The following NUDT21 variants were observed in gnomAD, a reference collection of about 807,000 sequenced individuals.
The protein encoded by NUDT21 is cleavage and polyadenylation specificity factor subunit 5.
A neutral mutation model predicts 29.8 loss-of-function variants in NUDT21; 5 were observed. The observed-to-expected ratio is 0.17, with a 90% CI of 0.09 to 0.35. The LOEUF (loss-of-function observed/expected upper bound fraction) is 0.35, where lower values mean the gene tolerates loss of function less well. NUDT21 is among the 10% of genes least tolerant of loss of function. NUDT21 has a pLI of 1.00. For synonymous variants in NUDT21, 113 were observed against 98.5 expected, an observed-to-expected ratio of 1.15 and a Z score of -0.87; for missense variants, 76 against 276.0, an observed-to-expected ratio of 0.28 and a Z score of 5.13.
In NUDT21 at chr16:56,434,970, A is replaced by C. The variant is rs1962079585; in HGVS notation, c.472-141T>G. 3 of 543,978 alleles carry C rather than the reference A, an allele frequency of 5.5e-6. No homozygotes were observed. In the Admixed American group the frequency reaches 9.8e-5, roughly 18 times the overall value. The allele number at this position is 543,978 out of a possible 1,614,324, so 33.7% of individuals were successfully genotyped here. A position where few individuals can be genotyped will look rare whatever the true frequency, so the allele number is the denominator to read the frequency against. On this transcript the variant is annotated intron_variant, in intron 4 of 6. Transcript: ENST00000300291. Reference sequence around the variant, plus strand: ...TTACCAGGACTTATCTAACAGATACACTAGTAAATAAATGCTTTAATGCAT... The same window carrying C: ...TTACCAGGACTTATCTAACAGATACCCTAGTAAATAAATGCTTTAATGCAT...
intron 2 of NUDT21, chr16:56,447,533 C>G (rs1331057471): frequency 4.4e-6 from 2 of 454,594 alleles, no homozygotes; most frequent in Non-Finnish European, 8.0e-6. Context: ...TGATCTTGGA[C>G]TCAACTATTC....
chr16:56,449,806 G>T (rs1962262585), intron 1 of NUDT21, among the ~76,000 whole-genome samples: 1 of 152,002 alleles, frequency 6.6e-6, no homozygotes. Context: ...TTTTTGTAGA[G>T]ACAGCCTATG....
intron 2 of NUDT21, among the ~76,000 whole-genome samples, chr16:56,447,246 G>A (rs1448730654): frequency 1.3e-5 from 2 of 152,182 alleles, no homozygotes; most frequent in Non-Finnish European, 2.9e-5. Flanking sequence ...TGATAATGGA[G>A]TCTAGAAATG....
intron 1 of NUDT21, 85 bp from the exon 2 acceptor site, chr16:56,448,074 CA>C: frequency 2.6e-6 from 3 of 1,170,790 alleles, no homozygotes; most frequent in Non-Finnish European, 3.7e-6. Context: ...AACCATGGTA[CA>C]AAAAAAGTGC....
At chr16:56,446,467 C>T (rs1297978640) in intron 3 of NUDT21, 159 bp downstream of exon 3, 1 of 522,124 alleles carries the variant, frequency 1.9e-6, no homozygotes, top group Non-Finnish European at 3.4e-6. Flanking sequence ...AGTGTAACTT[C>T]AACTTGTAAA....
At chr16:56,433,992 G>A (rs1206697637) in intron 6 of NUDT21, among the ~76,000 whole-genome samples, 1 of 152,142 alleles carries the variant, frequency 6.6e-6, no homozygotes, top group Non-Finnish European at 1.5e-5. Flanking sequence ...CAGCCAATTT[G>A]CCACATTTTA....
intron 2 of NUDT21, chr16:56,446,898 T>C: frequency 2.4e-6 from 1 of 420,018 alleles, no homozygotes; most frequent in South Asian, 5.5e-5. Flanking sequence ...GTTTTTTTCC[T>C]CTTCGTATAT....
intron 3 of NUDT21, among the ~76,000 whole-genome samples, chr16:56,444,774 A>G (rs1962200225): frequency 6.6e-6 from 1 of 152,190 alleles, no homozygotes; most frequent in Non-Finnish European, 1.5e-5. Flanking sequence ...ACAGAGAATC[A>G]TCAGCCAGTC....
chr16:56,436,697 T>A (rs1036691289), intron 4 of NUDT21, among the ~76,000 whole-genome samples: 9 of 152,322 alleles, frequency 5.9e-5, no homozygotes, highest in Non-Finnish European at 1.3e-4. Flanking sequence ...AGGCTACATG[T>A]TCCTATTTTT....
chr16:56,429,293 T>C lies in NUDT21; in HGVS notation c.*3419A>G, dbSNP rs1229420583. On this transcript the variant is annotated 3_prime_UTR_variant, in exon 7 of 7. Transcript: ENST00000300291. ...ACCAGAAAAGTTCTCAAAACCAAAC[T>C]ATAAATGATGCTTGAATACTATGAT... 1 of 152,260 alleles carries C rather than the reference T, an allele frequency of 6.6e-6. No individual in the cohort carries two copies. The highest frequency in any genetic ancestry group is 2.4e-5 in the African/African-American group (1 of 41,474). 9.4% of individuals were successfully genotyped at this position (152,260 alleles called of 1,614,324 possible). A position where few individuals can be genotyped will look rare whatever the true frequency, so the allele number is the denominator to read the frequency against.
intron 4 of NUDT21, chr16:56,435,157 CT>C: frequency 5.9e-6 from 1 of 170,748 alleles, no homozygotes; most frequent in Non-Finnish European, 1.2e-5. Context: ...GAGTTTTGCT[CT>C]TGTTGCCTAG....
Position 56,442,737 on chromosome 16 carries a change from T to G in NUDT21, c.382-2991A>C, listed in dbSNP as rs184909106. ...ATGCTTTGCTAATTCTTCCTTTTAC[T>G]CTGTTCTATTTATCTATAGTTTATA... On this transcript the variant is annotated intron_variant, in intron 3 of 6. Coordinates refer to ENST00000300291, the MANE Select transcript of NUDT21 (RefSeq NM_007006.3). Among the ~76,000 whole-genome samples, 6 of 152,348 alleles carry G rather than the reference T, an allele frequency of 3.9e-5. 1 individual carries two copies. The highest frequency in any genetic ancestry group is 3.3e-4 in the Admixed American group (5 of 15,304).
chr16:56,440,618 A>G (rs983079902), intron 3 of NUDT21, among the ~76,000 whole-genome samples: 1 of 152,232 alleles, frequency 6.6e-6, no homozygotes, highest in Non-Finnish European at 1.5e-5. Context: ...AGAAAACTAC[A>G]GAGGTAAAAG....
intron 2 of NUDT21, chr16:56,446,962 T>C (rs1596957795): frequency 9.9e-6 from 3 of 303,554 alleles, no homozygotes; most frequent in South Asian, 6.4e-5. Flanking sequence ...GTTTGTTACA[T>C]AGGTATATTG....
intron 3 of NUDT21, among the ~76,000 whole-genome samples, chr16:56,442,546 G>A (rs1442099865): frequency 6.6e-6 from 1 of 152,108 alleles, no homozygotes; most frequent in African/African-American, 2.4e-5. Flanking sequence ...CTCCCACTTT[G>A]GAAGCTTTTA....
At chr16:56,436,123 T>G (rs1962101749) in intron 4 of NUDT21, among the ~76,000 whole-genome samples, 1 of 150,984 alleles carries the variant, frequency 6.6e-6, no homozygotes, top group Non-Finnish European at 1.5e-5. Flanking sequence ...AAAAAAAAAG[T>G]CTAAGGGTTA....
chr16:56,450,961 C>G (rs1962300952), intron 1 of NUDT21, 126 bp downstream of exon 1: 3 of 720,992 alleles, frequency 4.2e-6, no homozygotes, highest in Non-Finnish European at 7.0e-6. Flanking sequence ...AGGCGCGCAT[C>G]CGCCAGCGGG....
rs1962023270 is a variant in NUDT21, at chr16:56,430,633, A to G, written c.*2079T>C. ...TCTTCTAATACTGTAGACACCTACC[A>G]ACCAGATTTGATTTCCCCTAATTCT... On this transcript the variant is annotated 3_prime_UTR_variant, in exon 7 of 7. Transcript: ENST00000300291. 6.6e-6 allele frequency: 1 copy of G among 152,222 alleles called. No homozygotes were observed. The highest frequency in any genetic ancestry group is 1.5e-5 in the Non-Finnish European group (1 of 68,050). The allele number at this position is 152,222 out of a possible 1,614,324, so 9.4% of individuals were successfully genotyped here. A position where few individuals can be genotyped will look rare whatever the true frequency, so the allele number is the denominator to read the frequency against.
At position 56,432,465 on chromosome 16, in the gene NUDT21, C is replaced by A. The variant is rs2143930477; in HGVS notation, c.*247G>T. On this transcript the variant is annotated 3_prime_UTR_variant, in exon 7 of 7. Transcript: ENST00000300291. ...ATGAGAAATTAAAATAAAAAAAGTC[C>A]ATTTTCTTTAATGTTGTACAAAAAA... The A allele has an allele frequency of 5.4e-6, 2 of 371,366 alleles. No individual in the cohort carries two copies. Among genetic ancestry groups the A allele is most frequent in the Non-Finnish European group, 9.8e-6 (2 of 203,526 alleles). The allele number at this position is 371,366 out of a possible 1,614,324, so 23.0% of individuals were successfully genotyped here.
Sources: allele counts gnomAD v4.1 joint callset (sites outside exome capture counted in the v4.1 genomes callset), GRCh38; gene constraint gnomAD v4.1.1; transcripts MANE v1.5; gene names NCBI Gene and HGNC (gene_info 2026-07-23, HGNC 2026-07-21).